SIPA1L3: variants seen among roughly 807,000 people sequenced by gnomAD.
The protein encoded by SIPA1L3 is signal-induced proliferation-associated 1-like protein 3.
A neutral mutation model predicts 150.1 loss-of-function variants in SIPA1L3; 59 were observed. The ratio of observed to expected loss-of-function variants is 0.39; its 90% CI spans 0.32 to 0.49. The LOEUF (loss-of-function observed/expected upper bound fraction) is 0.49, where lower values mean the gene tolerates loss of function less well. Among genes scored for constraint, SIPA1L3 ranks in the 20% least tolerant of loss-of-function variants. SIPA1L3 has a pLI of 0.86. For synonymous variants in SIPA1L3, 1,070 were observed against 1,077.6 expected, an observed-to-expected ratio of 0.99 and a Z score of 0.14; for missense variants, 2,211 against 2,489.5, an observed-to-expected ratio of 0.89 and a Z score of 2.38.
chr19:38,056,212 CCTT>C (rs1969310588), intron 2 of SIPA1L3, among the ~76,000 whole-genome samples: 1 of 152,258 alleles, frequency 6.6e-6, no homozygotes, highest in African/African-American at 2.4e-5. Context: ...GCACCACCCT[CCTT>C]CTGGGCTAGG....
At position 38,180,212 on chromosome 19, in the gene SIPA1L3, T is replaced by C. The variant is rs1184893028; in HGVS notation, c.4209-2307T>C. Reference sequence around the variant, plus strand: ...GAACATCTTTCTGTTGCCTTCATTTTTCAAGGATGGTTTTGCTGGGTATAG... The same window carrying C: ...GAACATCTTTCTGTTGCCTTCATTTCTCAAGGATGGTTTTGCTGGGTATAG... On this transcript the variant is annotated intron_variant, in intron 15 of 21. Coordinates refer to ENST00000222345, the MANE Select transcript of SIPA1L3 (RefSeq NM_015073.3). Among the ~76,000 whole-genome samples, 12 of 152,360 alleles carry C rather than the reference T, an allele frequency of 7.9e-5. 1 individual carries two copies. Among genetic ancestry groups the C allele is most frequent in the Non-Finnish European group, 1.6e-4 (11 of 68,032 alleles).
chr19:37,923,712 C>A lies in SIPA1L3; in HGVS notation c.-379+16354C>A, dbSNP rs146005841. Among the ~76,000 whole-genome samples the A allele has an allele frequency of 1.1e-3, 167 of 151,906 alleles. 1 individual carries two copies. The highest frequency in any genetic ancestry group is 3.9e-3 in the African/African-American group (163 of 41,462). On this transcript the variant is annotated intron_variant, in intron 1 of 21. Transcript: ENST00000222345. The stretch of plus-strand genomic sequence containing the variant: ...ATAATACATTAACCGTAGCTTACTG[C>A]AACTTGTTTACTTTGTAAACTTCTA...
In SIPA1L3 at chr19:38,000,948, A is replaced by AT. The variant is rs57384260; in HGVS notation, c.-378-28141_-378-28140insT. On this transcript the variant is annotated intron_variant, in intron 1 of 21. Coordinates refer to ENST00000222345, the MANE Select transcript of SIPA1L3 (RefSeq NM_015073.3). ...CATATATATAACATATATAACATAT[A>AT]ACACACATATAACACATATATAACA... Among the ~76,000 whole-genome samples the AT allele has an allele frequency of 2.6e-3, 224 of 87,560 alleles. 2 individuals carry two copies. The highest frequency in any genetic ancestry group is 0.025 in the Middle Eastern group (4 of 162). 57.4% of individuals were successfully genotyped at this position (87,560 alleles called of 152,430 possible). A position where few individuals can be genotyped will look rare whatever the true frequency, so the allele number is the denominator to read the frequency against.
At chr19:38,097,014 T>C (rs1970394904) in intron 4 of SIPA1L3, among the ~76,000 whole-genome samples, 1 of 152,166 alleles carries the variant, frequency 6.6e-6, no homozygotes. Context: ...CTGCAGCTCA[T>C]ATATGTAGCA....
At chr19:38,188,763 A>T (rs981081687) in intron 16 of SIPA1L3, among the ~76,000 whole-genome samples, 2 of 151,796 alleles carry the variant, frequency 1.3e-5, no homozygotes, top group African/African-American at 2.4e-5. Flanking sequence ...TCTACTAAAA[A>T]TTAAAAAAAA....
At chr19:37,962,098 T>C (rs180888164) in intron 1 of SIPA1L3, among the ~76,000 whole-genome samples, 7 of 152,178 alleles carry the variant, frequency 4.6e-5, no homozygotes, top group Admixed American at 4.6e-4. Context: ...ATTTCCTGAG[T>C]ATGGGTCACA....
At chr19:37,974,339 G>T (rs2145600633) in intron 1 of SIPA1L3, among the ~76,000 whole-genome samples, 1 of 152,094 alleles carries the variant, frequency 6.6e-6, no homozygotes. Flanking sequence ...AGGCAACATG[G>T]TGAGATCCCA....
chr19:38,170,196 A>T (rs1031154861), intron 15 of SIPA1L3, among the ~76,000 whole-genome samples: 1 of 152,174 alleles, frequency 6.6e-6, no homozygotes, highest in Non-Finnish European at 1.5e-5. Context: ...AGCAGTCCAG[A>T]CAGAGAATGA....
At chr19:38,142,763 T>G (rs940354297) in intron 12 of SIPA1L3, 53 bp downstream of exon 12, 29 of 1,563,300 alleles carry the variant, frequency 1.9e-5, no homozygotes, top group Non-Finnish European at 2.4e-5. Context: ...AAGCTGTGCC[T>G]CCTTCTTCCC....
chr19:38,049,637 T>C (rs981194810), intron 2 of SIPA1L3, among the ~76,000 whole-genome samples: 1 of 151,996 alleles, frequency 6.6e-6, no homozygotes, highest in African/African-American at 2.4e-5. Context: ...GCATTCTCTC[T>C]CCCCAGGGGT....
chr19:38,013,745 G>A (rs1014749834), intron 1 of SIPA1L3, among the ~76,000 whole-genome samples: 5 of 152,202 alleles, frequency 3.3e-5, no homozygotes, highest in African/African-American at 1.2e-4. Flanking sequence ...TTGCAGCATT[G>A]TTTGCAGTGG....
At position 38,119,410 on chromosome 19, in the gene SIPA1L3, A is replaced by C; in HGVS notation, c.2396A>C (p.Lys799Thr). Reference sequence around the variant, plus strand: ...GTCTTCAGAGACTTCTTGCTGGCCAAGGTGATTAACGCTGAGAACGCCGCG... The same window carrying C: ...GTCTTCAGAGACTTCTTGCTGGCCACGGTGATTAACGCTGAGAACGCCGCG... ...SDVFRDFLLA[K>T]VINAENAAHK... is the part of the protein sequence containing the mutation. The change falls in exon 9 of 22, where the codon AAG (lysine) becomes ACG (threonine). Residue 799 changes from lysine to threonine, a missense_variant. Physicochemically the swap from Lys to Thr is moderately conservative, Grantham distance 78. Coordinates refer to ENST00000222345, the MANE Select transcript of SIPA1L3 (RefSeq NM_015073.3). 6.2e-7 allele frequency: 1 copy of C among 1,614,152 alleles called. No individual in the cohort carries two copies. Among genetic ancestry groups the C allele is most frequent in the Non-Finnish European group, 8.5e-7 (1 of 1,180,032 alleles).
intron 10 of SIPA1L3, among the ~76,000 whole-genome samples, chr19:38,138,915 A>AAAAAAAAAAAG (rs1568570955): frequency 7.1e-6 from 1 of 140,818 alleles, no homozygotes; most frequent in Admixed American, 7.3e-5. Flanking sequence ...AAAAAAAAAA[A>AAAAAAAAAAAG]CTGAGTGTGG....
chr19:38,186,267 C>T (rs1000139890), intron 16 of SIPA1L3: 4 of 152,012 alleles, frequency 2.6e-5, no homozygotes, highest in Non-Finnish European at 4.4e-5. Flanking sequence ...CAAATGAAAT[C>T]GCTTCATAGT....
At chr19:38,049,399 A>G (rs539400122) in intron 2 of SIPA1L3, among the ~76,000 whole-genome samples, 2 of 152,272 alleles carry the variant, frequency 1.3e-5, no homozygotes, top group South Asian at 2.1e-4. Flanking sequence ...TGTGTTCGCC[A>G]TCTAGCCACG....
chr19:38,050,444 A>G (rs1969165215), intron 2 of SIPA1L3, among the ~76,000 whole-genome samples: 1 of 152,212 alleles, frequency 6.6e-6, no homozygotes, highest in Non-Finnish European at 1.5e-5. Flanking sequence ...CAACAGAGTG[A>G]GACTGTCTCA....
chr19:38,112,152 C>T (rs958959910), intron 8 of SIPA1L3, among the ~76,000 whole-genome samples: 11 of 151,484 alleles, frequency 7.3e-5, no homozygotes, highest in Non-Finnish European at 1.6e-4. Flanking sequence ...CACACAGGCA[C>T]ATGCATCCAC....
At chr19:38,167,219 G>A (rs370375599) in intron 15 of SIPA1L3, among the ~76,000 whole-genome samples, 41 of 89,788 alleles carry the variant, frequency 4.6e-4, no homozygotes, top group African/African-American at 1.2e-3. Flanking sequence ...GCAACAGAGC[G>A]AGATTCCATC....
intron 1 of SIPA1L3, among the ~76,000 whole-genome samples, chr19:37,942,132 T>G (rs916973884): frequency 6.6e-6 from 1 of 152,228 alleles, no homozygotes; most frequent in South Asian, 2.1e-4. Flanking sequence ...AAATATTTAC[T>G]GAACATCACA....
Sources: gnomAD v4.1 joint callset for allele counts (sites outside exome capture counted in the v4.1 genomes callset) on GRCh38, gnomAD v4.1.1 for gene constraint, MANE v1.5 for transcripts, NCBI Gene and HGNC (gene_info 2026-07-23, HGNC 2026-07-21) for gene names.